Variants in GRIK2 observed in about 807,000 individuals in gnomAD.
The protein encoded by GRIK2 is glutamate ionotropic receptor kainate type subunit 2.
GRIK2 carries 32 observed loss-of-function variants against 100.3 expected under a neutral mutation model. That is an observed-to-expected ratio of 0.32 (90% CI 0.24 to 0.43). GRIK2 has a LOEUF of 0.43. GRIK2 is among the 20% of genes least tolerant of loss of function. The probability of loss-of-function intolerance (pLI) is 1.00; values close to 1 mark genes in which losing one functional copy is unlikely to be tolerated. For synonymous variants in GRIK2, 417 were observed against 389.4 expected, an observed-to-expected ratio of 1.07 and a Z score of -0.83; for missense variants, 843 against 1,114.9, an observed-to-expected ratio of 0.76 and a Z score of 3.47.
At chr6:101,998,807 C>CTTTTTTT (rs1794777958) in intron 14 of GRIK2, among the ~76,000 whole-genome samples, 1 of 115,776 alleles carries the variant, frequency 8.6e-6, no homozygotes, top group African/African-American at 2.9e-5. Flanking sequence ...TTTCTTTTTT[C>CTTTTTTT]TTTTCTTTTT....
intron 2 of GRIK2, among the ~76,000 whole-genome samples, chr6:101,420,524 T>C (rs550509626): frequency 1.3e-5 from 2 of 152,264 alleles, no homozygotes; most frequent in Admixed American, 6.5e-5. Flanking sequence ...ACCAGGGAAG[T>C]TGTTAGATAT....
chr6:101,645,805 G>T (rs1199073035), intron 4 of GRIK2, among the ~76,000 whole-genome samples: 2 of 151,728 alleles, frequency 1.3e-5, no homozygotes, highest in Non-Finnish European at 2.9e-5. Flanking sequence ...AATTTTAATG[G>T]TAATAGAATA....
At chr6:101,741,934 C>G (rs569640471) in intron 7 of GRIK2, among the ~76,000 whole-genome samples, 116 of 152,202 alleles carry the variant, frequency 7.6e-4, no homozygotes, top group African/African-American at 2.7e-3. Flanking sequence ...AGTAATGTGT[C>G]CAAAGTTAAC....
At chr6:101,908,253 G>C (rs12213927) in intron 12 of GRIK2, among the ~76,000 whole-genome samples, 4 of 34,458 alleles carry the variant, frequency 1.2e-4, no homozygotes, top group African/African-American at 6.6e-4. Context: ...TGTGCAGCTA[G>C]TAAGTTGGTG....
intron 7 of GRIK2, among the ~76,000 whole-genome samples, chr6:101,786,515 T>C: frequency 6.6e-6 from 1 of 152,270 alleles, no homozygotes; most frequent in Admixed American, 6.5e-5. Context: ...GAATGTTGAA[T>C]TTTATCAAAT....
chr6:101,573,881 A>G (rs1045704548), intron 2 of GRIK2, among the ~76,000 whole-genome samples: 1 of 152,110 alleles, frequency 6.6e-6, no homozygotes, highest in African/African-American at 2.4e-5. Flanking sequence ...AGAATTTAAA[A>G]GCTTGTTCTA....
At chr6:101,621,464 A>AG (rs1379004006) in intron 2 of GRIK2, among the ~76,000 whole-genome samples, 2 of 152,060 alleles carry the variant, frequency 1.3e-5, no homozygotes, top group Non-Finnish European at 2.9e-5. Context: ...AAGAAAAAAA[A>AG]TTGTTTAAAA....
intron 14 of GRIK2, among the ~76,000 whole-genome samples, chr6:101,946,603 A>G (rs1390169942): frequency 6.6e-6 from 1 of 152,152 alleles, no homozygotes; most frequent in East Asian, 1.9e-4. Context: ...CAAACTATCT[A>G]ATCATTGAAT....
chr6:102,001,573 A>G (rs187492469), intron 14 of GRIK2, among the ~76,000 whole-genome samples: 3 of 152,080 alleles, frequency 2.0e-5, no homozygotes, highest in African/African-American at 7.2e-5. Flanking sequence ...TCCATGGTTT[A>G]TATGTGCCAC....
chr6:101,779,246 G>A (rs1778931063), intron 7 of GRIK2, among the ~76,000 whole-genome samples: 1 of 152,012 alleles, frequency 6.6e-6, no homozygotes, highest in African/African-American at 2.4e-5. Context: ...GCCTATTTCT[G>A]TGGCAATGGC....
intron 7 of GRIK2, among the ~76,000 whole-genome samples, chr6:101,749,794 T>C (rs991496481): frequency 1.1e-4 from 16 of 149,646 alleles, no homozygotes; most frequent in South Asian, 2.1e-4. Context: ...AACTTGTGTG[T>C]GCCAGTTTCT....
chr6:101,450,624 T>C (rs2128248927), intron 2 of GRIK2, among the ~76,000 whole-genome samples: 1 of 151,802 alleles, frequency 6.6e-6, no homozygotes, highest in South Asian at 2.1e-4. Flanking sequence ...CAGTAACTAC[T>C]CGGTGTTTCC....
intron 7 of GRIK2, among the ~76,000 whole-genome samples, chr6:101,738,431 A>G (rs1775818140): frequency 1.3e-5 from 2 of 152,038 alleles, no homozygotes; most frequent in African/African-American, 2.4e-5. Context: ...ACTTTTGCCT[A>G]TTTTCAGACT....
intron 15 of GRIK2, among the ~76,000 whole-genome samples, chr6:102,051,996 G>A (rs1771224539): frequency 6.6e-6 from 1 of 152,136 alleles, no homozygotes; most frequent in South Asian, 2.1e-4. Context: ...GGGAGGAACT[G>A]TCTCTATCTA....
chr6:101,738,954 T>TAA lies in GRIK2; in HGVS notation c.951+52603_951+52604dup, dbSNP rs377551392. Among the ~76,000 whole-genome samples, 589 of 152,322 alleles carry TAA rather than the reference T, an allele frequency of 3.9e-3. 4 individuals carry two copies. Among genetic ancestry groups the TAA allele is most frequent in the Non-Finnish European group, 6.8e-3 (463 of 68,028 alleles). ...AGAGTGGCAGCAGGAGCAAGGGTTC[T>TAA]AAAGCTTTCTCAAGGACAGCAGTCT... is the stretch of plus-strand genomic sequence containing the variant. On this transcript the variant is annotated intron_variant, in intron 7 of 16. Transcript: ENST00000369134.
At chr6:101,961,986 G>T (rs1792333060) in intron 14 of GRIK2, among the ~76,000 whole-genome samples, 1 of 152,132 alleles carries the variant, frequency 6.6e-6, no homozygotes, top group African/African-American at 2.4e-5. Context: ...TGAGCTAGCA[G>T]CCTAGTGCTT....
intron 4 of GRIK2, among the ~76,000 whole-genome samples, chr6:101,663,148 G>A (rs1340745608): frequency 3.3e-5 from 5 of 152,190 alleles, no homozygotes; most frequent in African/African-American, 7.2e-5. Flanking sequence ...CAATGTCAAC[G>A]TTAAATCATA....
intron 2 of GRIK2, among the ~76,000 whole-genome samples, chr6:101,438,113 A>G (rs550452365): frequency 2.0e-5 from 3 of 152,190 alleles, no homozygotes; most frequent in Admixed American, 1.3e-4. Context: ...TAATGGGGGT[A>G]TTTATTAAGT....
intron 7 of GRIK2, among the ~76,000 whole-genome samples, chr6:101,739,282 CAG>C (rs1156791118): frequency 6.6e-6 from 1 of 152,158 alleles, no homozygotes; most frequent in African/African-American, 2.4e-5. Flanking sequence ...CATAGGCCCT[CAG>C]TGGGTGATTG....
Sources: gnomAD v4.1 joint callset for allele counts (sites outside exome capture counted in the v4.1 genomes callset) on GRCh38, gnomAD v4.1.1 for gene constraint, MANE v1.5 for transcripts, NCBI Gene and HGNC (gene_info 2026-07-23, HGNC 2026-07-21) for gene names.